Variants in RRP15 observed in about 807,000 individuals in gnomAD.
The protein encoded by RRP15 is RRP15-like protein.
Under a neutral mutation model 27.1 loss-of-function variants are expected in RRP15, and 18 were observed. That is an observed-to-expected ratio of 0.66 (90% CI 0.46 to 0.98). The LOEUF (loss-of-function observed/expected upper bound fraction) is 0.98, where lower values mean the gene tolerates loss of function less well. Ranked by LOEUF, RRP15 falls within the 50% of genes least tolerant of loss-of-function variation. The probability of loss-of-function intolerance (pLI) is 0.00; values close to 1 mark genes in which losing one functional copy is unlikely to be tolerated. For missense variants in RRP15, 359 were observed against 337.8 expected (o/e 1.06, Z -0.49); for synonymous variants, 107 against 109.4 (o/e 0.98, Z 0.14).
intron 4 of RRP15, among the ~76,000 whole-genome samples, chr1:218,324,504 G>A (rs934184478): frequency 6.6e-6 from 1 of 152,182 alleles, no homozygotes; most frequent in Non-Finnish European, 1.5e-5. Flanking sequence ...TGCTGCTTCC[G>A]CTCCTGCTAC....
intron 4 of RRP15, among the ~76,000 whole-genome samples, chr1:218,312,394 G>A (rs1360671138): frequency 1.3e-5 from 2 of 150,838 alleles, no homozygotes; most frequent in Non-Finnish European, 1.5e-5. Context: ...AACATTTGTA[G>A]TGAATAATTG....
intron 1 of RRP15, among the ~76,000 whole-genome samples, chr1:218,300,718 T>C (rs886672745): frequency 6.6e-6 from 1 of 152,208 alleles, no homozygotes; most frequent in East Asian, 1.9e-4. Flanking sequence ...AGTTGAAGAA[T>C]AGATAATTTT....
intron 1 of RRP15, among the ~76,000 whole-genome samples, chr1:218,293,681 G>C (rs1188036119): frequency 6.6e-6 from 1 of 152,022 alleles, no homozygotes; most frequent in East Asian, 1.9e-4. Context: ...TATTTTTCTG[G>C]CTTTAATTTC....
In RRP15 at chr1:218,310,166, A is replaced by G. The variant is rs556540455; in HGVS notation, c.705+2534A>G. 3.9e-5 allele frequency among the ~76,000 whole-genome samples: 6 copies of G among 152,348 alleles called. No homozygotes were observed. The East Asian group carries it at 1.2e-3, about 29-fold the overall frequency. On this transcript the variant is annotated intron_variant, in intron 4 of 4. Transcript: ENST00000366932. ...TTATATTTAACCTTGTCCTAGCACC[A>G]TAGCTATTGTACTCTTTCCTCATAG...
intron 4 of RRP15, 24 bp from the exon 5 acceptor site, chr1:218,330,924 T>C (rs754687596): frequency 8.1e-6 from 13 of 1,604,068 alleles, no homozygotes; most frequent in Non-Finnish European, 8.5e-7. Flanking sequence ...CTTTTGAATA[T>C]TTTGATTCTA....
rs1656407900 is a variant in RRP15 at position 218,333,690 on chromosome 1, G to T, written c.*2599G>T. 1 of 152,238 alleles carries T rather than the reference G, an allele frequency of 6.6e-6. No homozygotes were observed. Among genetic ancestry groups the T allele is most frequent in the African/African-American group, 2.4e-5 (1 of 41,418 alleles). The allele number at this position is 152,238 out of a possible 1,614,324, so 9.4% of individuals were successfully genotyped here. On this transcript the variant is annotated 3_prime_UTR_variant, in exon 5 of 5. Coordinates refer to ENST00000366932, the MANE Select transcript of RRP15 (RefSeq NM_016052.4). Reference sequence around the variant, plus strand: ...TTTTTGTCTTTTTGATGTAGATGGGGTTACCCCATGTTGCCCAGGCTGGTT... The same window carrying T: ...TTTTTGTCTTTTTGATGTAGATGGGTTTACCCCATGTTGCCCAGGCTGGTT...
chr1:218,294,355 C>A (rs1655689253), intron 1 of RRP15, among the ~76,000 whole-genome samples: 1 of 152,202 alleles, frequency 6.6e-6, no homozygotes, highest in Non-Finnish European at 1.5e-5. Flanking sequence ...TGCCCAAACC[C>A]TTCAGATACC....
Position 218,285,451 on chromosome 1 carries a change from T to G in RRP15, c.135T>G (p.Ser45Arg), listed in dbSNP as rs773700490. Residue 45 changes from serine to arginine, a missense_variant, in exon 1 of 5, where the codon AGT becomes AGG. Transcript: ENST00000366932. ...LEDEATDTSD[S>R]EGSCGSEKDH... ...ACGAGGCCACAGACACTTCTGATAG[T>G]GAAGGTAATGTGGTAGGGCTGAGCT... 3 of 1,613,738 alleles carry G rather than the reference T, an allele frequency of 1.9e-6. No homozygotes were observed. The highest frequency in any genetic ancestry group is 2.2e-5 in the East Asian group (1 of 44,848).
At chr1:218,291,309 G>A (rs1655636387) in intron 1 of RRP15, among the ~76,000 whole-genome samples, 1 of 151,694 alleles carries the variant, frequency 6.6e-6, no homozygotes, top group South Asian at 2.1e-4. Context: ...GCCCAACATG[G>A]TGGTGTATGC....
chr1:218,324,572 C>T (rs1167826141), intron 4 of RRP15, among the ~76,000 whole-genome samples: 1 of 152,244 alleles, frequency 6.6e-6, no homozygotes, highest in Non-Finnish European at 1.5e-5. Flanking sequence ...TCCGGATGGT[C>T]GGCCACTGCC....
At chr1:218,324,777 C>T (rs1308935939) in intron 4 of RRP15, among the ~76,000 whole-genome samples, 1 of 152,180 alleles carries the variant, frequency 6.6e-6, no homozygotes, top group Non-Finnish European at 1.5e-5. Context: ...AAATTATTTA[C>T]AGCTGAATGT....
chr1:218,311,679 GTA>G (rs1222527962), intron 4 of RRP15, among the ~76,000 whole-genome samples: 1 of 152,170 alleles, frequency 6.6e-6, no homozygotes, highest in Non-Finnish European at 1.5e-5. Flanking sequence ...CTCCTATGCA[GTA>G]TCCTCTGTTT....
chr1:218,304,979 C>A, intron 2 of RRP15, 49 bp from the exon 3 acceptor site: 2 of 1,530,028 alleles, frequency 1.3e-6, no homozygotes, highest in South Asian at 1.1e-5. Flanking sequence ...GTTTGCTGCA[C>A]TTTCAGAAAT....
At chr1:218,285,876 G>A (rs1160563597) in intron 1 of RRP15, among the ~76,000 whole-genome samples, 1 of 152,126 alleles carries the variant, frequency 6.6e-6, no homozygotes, top group East Asian at 1.9e-4. Flanking sequence ...CGGTAGATGT[G>A]TGCGTGTTTT....
At chr1:218,299,958 T>C (rs574515370) in intron 1 of RRP15, among the ~76,000 whole-genome samples, 1 of 152,296 alleles carries the variant, frequency 6.6e-6, no homozygotes, top group East Asian at 1.9e-4. Flanking sequence ...AATTTGTTAA[T>C]AGTGCTGCCA....
intron 1 of RRP15, among the ~76,000 whole-genome samples, chr1:218,287,166 A>T (rs1655562261): frequency 7.6e-6 from 1 of 131,660 alleles, no homozygotes. Flanking sequence ...TTTTTGGTAG[A>T]GATGGGATTT....
chr1:218,328,194 T>C (rs1014772036), intron 4 of RRP15, among the ~76,000 whole-genome samples: 2 of 152,230 alleles, frequency 1.3e-5, no homozygotes. Flanking sequence ...ATTCTTTACG[T>C]TGGACAATTG....
chr1:218,285,477 TTGG>T (rs1406052127), intron 1 of RRP15, 22 bp downstream of exon 1: 12 of 1,613,196 alleles, frequency 7.4e-6, no homozygotes, highest in Non-Finnish European at 1.0e-5. Context: ...GGGCTGAGCT[TTGG>T]TGTCTGGGAG....
At chr1:218,289,475 A>G (rs922416920) in intron 1 of RRP15, among the ~76,000 whole-genome samples, 8 of 152,210 alleles carry the variant, frequency 5.3e-5, no homozygotes, top group African/African-American at 1.7e-4. Flanking sequence ...AACGATGTTG[A>G]TAACAATTGA....
Sources: allele counts gnomAD v4.1 joint callset (sites outside exome capture counted in the v4.1 genomes callset), GRCh38; gene constraint gnomAD v4.1.1; transcripts MANE v1.5; gene names NCBI Gene and HGNC (gene_info 2026-07-23, HGNC 2026-07-21).